The following ATRN variants were observed in gnomAD, a reference collection of about 807,000 sequenced individuals.
ATRN encodes the protein attractin-2.
Under a neutral mutation model 178.7 loss-of-function variants are expected in ATRN, and 54 were observed. The ratio of observed to expected loss-of-function variants is 0.30; its 90% CI spans 0.24 to 0.38. The LOEUF is 0.38. Among genes scored for constraint, ATRN ranks in the 10% least tolerant of loss-of-function variants. ATRN has a pLI of 1.00. For missense variants in ATRN, 1,443 were observed against 1,815.1 expected, an observed-to-expected ratio of 0.79 and a Z score of 3.73; for synonymous variants, 636 against 663.0, an observed-to-expected ratio of 0.96 and a Z score of 0.63.
intron 1 of ATRN, among the ~76,000 whole-genome samples, chr20:3,514,552 A>G (rs887086707): frequency 1.3e-5 from 2 of 152,232 alleles, no homozygotes; most frequent in African/African-American, 4.8e-5. Flanking sequence ...ATATTTGAAA[A>G]TCAGTATCAT....
chr20:3,604,381 A>G (rs2086651846), intron 24 of ATRN, 119 bp downstream of exon 24: 2 of 1,193,194 alleles, frequency 1.7e-6, no homozygotes, highest in Non-Finnish European at 2.3e-6. Context: ...TGCCTTTGTA[A>G]CGTGTATGGC....
At chr20:3,509,085 CAT>C (rs1291613192) in intron 1 of ATRN, among the ~76,000 whole-genome samples, 1 of 151,900 alleles carries the variant, frequency 6.6e-6, no homozygotes, top group African/African-American at 2.4e-5. Context: ...GGAAAAGGAA[CAT>C]AGAGTAAGTA....
At position 3,634,942 on chromosome 20, in the gene ATRN, A is replaced by G. The variant is rs561659308; in HGVS notation, c.3942+553A>G. Reference sequence around the variant, plus strand: ...ATTTACAGCTGACAAATTTAAATAAATAAACTTGGTTGCAAATTACAACAT... The same window carrying G: ...ATTTACAGCTGACAAATTTAAATAAGTAAACTTGGTTGCAAATTACAACAT... On this transcript the variant is annotated intron_variant, in intron 26 of 28. Coordinates refer to ENST00000262919, the MANE Select transcript of ATRN (RefSeq NM_139321.3). Among the ~76,000 whole-genome samples, 79 of 152,352 alleles carry G rather than the reference A, an allele frequency of 5.2e-4. 1 individual carries two copies. The highest frequency in any genetic ancestry group is 9.7e-4 in the Non-Finnish European group (66 of 68,038).
At chr20:3,529,121 A>C (rs969149601) in intron 1 of ATRN, among the ~76,000 whole-genome samples, 6 of 151,698 alleles carry the variant, frequency 4.0e-5, no homozygotes, top group African/African-American at 1.5e-4. Context: ...GCCTCTGAAA[A>C]TCTTTAAATA....
At chr20:3,628,623 A>G (rs2086963485) in intron 25 of ATRN, among the ~76,000 whole-genome samples, 1 of 152,132 alleles carries the variant, frequency 6.6e-6, no homozygotes, top group South Asian at 2.1e-4. Flanking sequence ...TCTAAAAATC[A>G]TAGTATATGT....
At chr20:3,538,532 T>C (rs115506354) in intron 2 of ATRN, among the ~76,000 whole-genome samples, 1,871 of 152,300 alleles carry the variant, frequency 0.012, 33 homozygotes, top group African/African-American at 0.043. Flanking sequence ...CATTGCCACC[T>C]GACACCCTCC....
intron 6 of ATRN, among the ~76,000 whole-genome samples, chr20:3,556,225 A>G (rs2085874677): frequency 1.3e-5 from 2 of 152,180 alleles, no homozygotes; most frequent in Non-Finnish European, 2.9e-5. Context: ...AACCTAACAC[A>G]TGTAACAGAC....
chr20:3,473,324 T>C (rs2146050946), intron 1 of ATRN, among the ~76,000 whole-genome samples: 1 of 152,098 alleles, frequency 6.6e-6, no homozygotes, highest in East Asian at 1.9e-4. Context: ...CGATGTGAAG[T>C]CTGAGGGGTG....
chr20:3,490,951 T>C (rs1438108865), intron 1 of ATRN: 5 of 1,523,742 alleles, frequency 3.3e-6, no homozygotes, highest in Middle Eastern at 2.0e-4. Flanking sequence ...ATGACGTCCA[T>C]GAGCCTTTCC....
Position 3,521,222 on chromosome 20 carries a change from G to T in ATRN, c.411-14031G>T, listed in dbSNP as rs192068210. Among the ~76,000 whole-genome samples the T allele has an allele frequency of 2.4e-4, 36 of 152,154 alleles. 1 individual carries two copies. In the East Asian group the frequency reaches 4.4e-3, roughly 19 times the overall value. On this transcript the variant is annotated intron_variant, in intron 1 of 28. Transcript: ENST00000262919. ...CATTTTGGAATGAATGAAGGTGTATGCAAAGTATTAGGTACTTTGCATACA... is the reference window on the plus strand; with the variant it reads ...CATTTTGGAATGAATGAAGGTGTATTCAAAGTATTAGGTACTTTGCATACA...
intron 1 of ATRN, among the ~76,000 whole-genome samples, chr20:3,492,860 C>T (rs896621721): frequency 4.9e-5 from 6 of 122,702 alleles, no homozygotes; most frequent in African/African-American, 7.4e-5. Flanking sequence ...GAGAGGCGCG[C>T]GCGCGCGTGC....
chr20:3,643,168 AAG>A (rs2087082061), intron 27 of ATRN, among the ~76,000 whole-genome samples: 1 of 152,178 alleles, frequency 6.6e-6, no homozygotes, highest in Non-Finnish European at 1.5e-5. Context: ...GTCTCCAACT[AAG>A]AGTCCCATCC....
chr20:3,513,178 T>A (rs1454351124), intron 1 of ATRN, among the ~76,000 whole-genome samples: 2 of 152,252 alleles, frequency 1.3e-5, no homozygotes, highest in African/African-American at 4.8e-5. Flanking sequence ...CATGAAGTCC[T>A]TGCCCATGCC....
At chr20:3,628,944 C>A (rs1054374874) in intron 25 of ATRN, 7 of 985,210 alleles carry the variant, frequency 7.1e-6, no homozygotes, top group Non-Finnish European at 8.4e-6. Context: ...TCTGACTGGA[C>A]TCTGCCTTCC....
chr20:3,638,752 T>C lies in ATRN; in HGVS notation c.3943-76T>C. On this transcript the variant is annotated intron_variant, in intron 26 of 28. Transcript: ENST00000262919. This position sits in a 1 kb window ranked among gnomAD's most constrained non-coding sequence, Gnocchi z 4.5. The stretch of plus-strand genomic sequence containing the variant: ...GTTTGAATCAGGGAGGATGAGGTGT[T>C]TTTAACATGTAGCATTAACTAATAA... The C allele has an allele frequency of 7.0e-6, 9 of 1,286,264 alleles. No homozygotes were observed. The highest frequency in any genetic ancestry group is 1.0e-5 in the Non-Finnish European group (9 of 903,952). 79.7% of individuals were successfully genotyped at this position (1,286,264 alleles called of 1,614,324 possible). A position where few individuals can be genotyped will look rare whatever the true frequency, so the allele number is the denominator to read the frequency against.
At chr20:3,596,210 C>T (rs1369615331) in intron 20 of ATRN, among the ~76,000 whole-genome samples, 167 bp from the exon 21 acceptor site, 5 of 152,182 alleles carry the variant, frequency 3.3e-5, no homozygotes, top group East Asian at 3.8e-4. Context: ...AGTATTGAAG[C>T]GTTCATGCAT....
intron 7 of ATRN, 22 bp downstream of exon 7, chr20:3,559,505 C>A (rs550146750): frequency 1.9e-6 from 3 of 1,577,260 alleles, no homozygotes; most frequent in South Asian, 2.2e-5. Flanking sequence ...CCACTCTGTG[C>A]TAAGCAAGAA....
chr20:3,632,361 A>G lies in ATRN; in HGVS notation c.3864-1950A>G, dbSNP rs1328084935. ...CTGGCTCTTTCCCAATGCCCTCATA[A>G]TGCTTGCAGTGCCCCACATGATCTG... On this transcript the variant is annotated intron_variant, in intron 25 of 28. Transcript: ENST00000262919. The surrounding 1 kb of genome is among the most constrained non-coding windows in gnomAD (Gnocchi z 4.2). 6.6e-6 allele frequency among the ~76,000 whole-genome samples: 1 copy of G among 151,994 alleles called. No homozygotes were observed. Among genetic ancestry groups the G allele is most frequent in the Non-Finnish European group, 1.5e-5 (1 of 68,002 alleles).
intron 8 of ATRN, 124 bp downstream of exon 8, chr20:3,561,029 T>A: frequency 7.7e-7 from 1 of 1,293,774 alleles, no homozygotes. Context: ...TGAAACATAG[T>A]AAACACTGGG....
Sources: gnomAD v4.1 joint callset for allele counts (sites outside exome capture counted in the v4.1 genomes callset) on GRCh38, gnomAD v4.1.1 for gene constraint, Gnocchi (gnomAD v3.1) non-coding constraint, MANE v1.5 for transcripts, NCBI Gene and HGNC (gene_info 2026-07-23, HGNC 2026-07-21) for gene names.